PACS1: variants seen among roughly 807,000 people sequenced by gnomAD.
PACS1 encodes PACS-1.
In PACS1, 24 loss-of-function variants were observed where a neutral mutation model predicts 115.0. The observed-to-expected ratio is 0.21, with a 90% CI of 0.15 to 0.29. The LOEUF is 0.29. Ranked by LOEUF, PACS1 falls within the 10% of genes least tolerant of loss-of-function variation. PACS1 has a pLI of 1.00. For missense variants in PACS1, 838 were observed against 1,251.2 expected (o/e 0.67, Z 4.98); for synonymous variants, 453 against 504.5 (o/e 0.90, Z 1.37).
intron 2 of PACS1, among the ~76,000 whole-genome samples, chr11:66,201,328 A>C (rs1854789981): frequency 6.6e-6 from 1 of 152,226 alleles, no homozygotes; most frequent in Non-Finnish European, 1.5e-5. Flanking sequence ...CATGGAATTA[A>C]ACAGTATGCT....
Position 66,196,658 on chromosome 11 carries a change from C to T in PACS1, c.444+3085C>T, listed in dbSNP as rs192522550. Among the ~76,000 whole-genome samples, 19 of 152,130 alleles carry T rather than the reference C, an allele frequency of 1.2e-4. No individual in the cohort carries two copies. The East Asian group carries it at 3.5e-3, about 28-fold the overall frequency. ...AGAGTCTCGCCCTGTTATTCAATGG[C>T]GTGATCTCGGCTCACTGCAATCTCC... On this transcript the variant is annotated intron_variant, in intron 2 of 23. Transcript: ENST00000320580.
chr11:66,141,133 A>G (rs1033410966), intron 1 of PACS1, among the ~76,000 whole-genome samples: 4 of 152,140 alleles, frequency 2.6e-5, no homozygotes. Context: ...GCAATGTTCT[A>G]TTTTATGAAG....
intron 3 of PACS1, 81 bp from the exon 4 acceptor site, chr11:66,211,053 A>T: frequency 6.6e-7 from 1 of 1,507,576 alleles, no homozygotes; most frequent in Non-Finnish European, 9.2e-7. Context: ...ATTGAAGCAC[A>T]GAAAGACTGT....
At chr11:66,202,726 G>GGGGAAAAAAAAAAAA (rs1554988658) in intron 2 of PACS1, among the ~76,000 whole-genome samples, 5 of 10,964 alleles carry the variant, frequency 4.6e-4, no homozygotes, top group African/African-American at 1.2e-3. Context: ...TCATCTCTAG[G>GGGGAAAAAAAAAAAA]AAAAAAAAAA....
intron 7 of PACS1, chr11:66,217,295 T>A: frequency 3.3e-6 from 1 of 306,454 alleles, no homozygotes; most frequent in Non-Finnish European, 6.4e-6. Context: ...AGGTGCCTTT[T>A]GATACTTTTC....
At chr11:66,234,744 G>T (rs1855672705) in intron 17 of PACS1, among the ~76,000 whole-genome samples, 1 of 152,164 alleles carries the variant, frequency 6.6e-6, no homozygotes, top group African/African-American at 2.4e-5. Context: ...GGGTATGTTG[G>T]TGTGCACCTG....
At chr11:66,205,876 G>A (rs1188858859) in intron 2 of PACS1, among the ~76,000 whole-genome samples, 1 of 152,102 alleles carries the variant, frequency 6.6e-6, no homozygotes, top group African/African-American at 2.4e-5. Flanking sequence ...GGCCGGTCAC[G>A]GTGGTTCATG....
chr11:66,143,081 A>G (rs1261544813), intron 1 of PACS1, among the ~76,000 whole-genome samples: 6 of 152,078 alleles, frequency 3.9e-5, no homozygotes, highest in Admixed American at 1.3e-4. Flanking sequence ...AACTGCAGTA[A>G]GGTGGTGCTG....
chr11:66,213,899 G>A (rs1855136977), intron 4 of PACS1, among the ~76,000 whole-genome samples: 1 of 152,060 alleles, frequency 6.6e-6, no homozygotes. Context: ...CGGGCATGGT[G>A]GCGGGCGCCT....
At chr11:66,101,185 A>T (rs1857909124) in intron 1 of PACS1, among the ~76,000 whole-genome samples, 1 of 152,040 alleles carries the variant, frequency 6.6e-6, no homozygotes, top group Admixed American at 6.6e-5. Flanking sequence ...TTTTTAATTC[A>T]TTTTTTTTAA....
chr11:66,158,828 CAA>C (rs1242008090), intron 1 of PACS1, among the ~76,000 whole-genome samples: 4 of 152,148 alleles, frequency 2.6e-5, no homozygotes, highest in Admixed American at 1.3e-4. Flanking sequence ...AAAAGCAACA[CAA>C]GAGGTTTTCC....
At chr11:66,219,488 G>A (rs1272108629) in intron 7 of PACS1, 10 of 619,278 alleles carry the variant, frequency 1.6e-5, no homozygotes, top group South Asian at 1.4e-4. Flanking sequence ...ACATTTGGGA[G>A]GTGTTGGGGC....
intron 1 of PACS1, among the ~76,000 whole-genome samples, chr11:66,101,824 G>T (rs1239121618): frequency 1.3e-5 from 2 of 152,304 alleles, no homozygotes; most frequent in African/African-American, 2.4e-5. Flanking sequence ...ACGGTTACTG[G>T]GGGGAGAGCT....
intron 1 of PACS1, among the ~76,000 whole-genome samples, chr11:66,108,764 C>T (rs1590749798): frequency 6.6e-6 from 1 of 151,274 alleles, no homozygotes; most frequent in Non-Finnish European, 1.5e-5. Flanking sequence ...GGCCTTGTCT[C>T]AAAAAGAAAG....
intron 1 of PACS1, among the ~76,000 whole-genome samples, chr11:66,188,653 C>T (rs1854443601): frequency 6.6e-6 from 1 of 152,144 alleles, no homozygotes; most frequent in African/African-American, 2.4e-5. Flanking sequence ...GAGAAGCGCC[C>T]ACCAGTGAAA....
intron 3 of PACS1, 130 bp downstream of exon 3, chr11:66,210,581 AC>A: frequency 2.8e-6 from 2 of 723,948 alleles, no homozygotes. Flanking sequence ...AATAAAAGTC[AC>A]CTGGAGGTTT....
intron 1 of PACS1, among the ~76,000 whole-genome samples, chr11:66,099,106 C>T (rs1421372587): frequency 6.6e-6 from 1 of 152,192 alleles, no homozygotes; most frequent in Non-Finnish European, 1.5e-5. Context: ...TGCAGTGGCA[C>T]AATCTCAGCT....
intron 1 of PACS1, among the ~76,000 whole-genome samples, chr11:66,130,672 A>G (rs1858678623): frequency 6.6e-6 from 1 of 152,116 alleles, no homozygotes; most frequent in Non-Finnish European, 1.5e-5. Flanking sequence ...TTGTGTTTAT[A>G]TGGTGCTTTT....
At chr11:66,100,066 G>A (rs118175788) in intron 1 of PACS1, among the ~76,000 whole-genome samples, 10,088 of 151,986 alleles carry the variant, frequency 0.066, 500 homozygotes, top group African/African-American at 0.14. Flanking sequence ...TTTTAGTAGA[G>A]ACGTGGTCTC....
Sources: gnomAD v4.1 joint callset for allele counts (sites outside exome capture counted in the v4.1 genomes callset) on GRCh38, gnomAD v4.1.1 for gene constraint, MANE v1.5 for transcripts, NCBI Gene and HGNC (gene_info 2026-07-23, HGNC 2026-07-21) for gene names.